Variants in SYNDIG1 observed in about 807,000 individuals in gnomAD.
SYNDIG1 encodes the protein synapse differentiation inducing 1.
A neutral mutation model predicts 19.4 loss-of-function variants in SYNDIG1; 9 were observed. That is an observed-to-expected ratio of 0.46 (90% confidence interval 0.28 to 0.81). SYNDIG1 has a LOEUF of 0.81. Among genes scored for constraint, SYNDIG1 ranks in the 30% least tolerant of loss-of-function variants. The probability of loss-of-function intolerance (pLI) is 0.12; values close to 1 mark genes in which losing one functional copy is unlikely to be tolerated. For synonymous variants in SYNDIG1, 141 were observed against 145.9 expected (o/e 0.97, Z 0.24); for missense variants, 311 against 343.3 (o/e 0.91, Z 0.74).
rs542558378 is a variant in SYNDIG1, at chr20:24,607,276, G to A, written c.618+22283G>A. ...TAGTGGAGGCTGAAGCAGGAGCATT[G>A]CTTGAACCCAGGAGGCGGATGTTGC... On this transcript the variant is annotated intron_variant, in intron 3 of 3. Coordinates refer to ENST00000376862, the MANE Select transcript of SYNDIG1 (RefSeq NM_024893.3). 5.3e-5 allele frequency among the ~76,000 whole-genome samples: 8 copies of A among 150,166 alleles called. No individual in the cohort carries two copies. The East Asian group carries it at 1.6e-3, about 29-fold the overall frequency.
chr20:24,621,508 G>T (rs1253291530), intron 3 of SYNDIG1, among the ~76,000 whole-genome samples: 1 of 152,126 alleles, frequency 6.6e-6, no homozygotes, highest in East Asian at 1.9e-4. Context: ...TTTGCCATTT[G>T]GTCCCAAACC....
chr20:24,535,312 A>G (rs1038162045), intron 1 of SYNDIG1, among the ~76,000 whole-genome samples: 1 of 152,202 alleles, frequency 6.6e-6, no homozygotes, highest in Non-Finnish European at 1.5e-5. Flanking sequence ...GAAGATCCAA[A>G]CCTCATCACT....
chr20:24,586,179 A>G (rs1419356560), intron 3 of SYNDIG1, among the ~76,000 whole-genome samples: 3 of 152,160 alleles, frequency 2.0e-5, no homozygotes, highest in Admixed American at 6.5e-5. Flanking sequence ...GCTTCCTGAC[A>G]GGGCACAAGA....
intron 3 of SYNDIG1, among the ~76,000 whole-genome samples, chr20:24,590,326 GTAAC>G (rs1468697356): frequency 6.6e-6 from 1 of 151,896 alleles, no homozygotes; most frequent in Admixed American, 6.6e-5. Context: ...GGGGGTAGGG[GTAAC>G]TAACAAGGCG....
At chr20:24,635,874 C>T (rs1160404426) in intron 3 of SYNDIG1, among the ~76,000 whole-genome samples, 1 of 152,202 alleles carries the variant, frequency 6.6e-6, no homozygotes, top group African/African-American at 2.4e-5. Context: ...CCATCTACCA[C>T]TGTGGGGACC....
intron 3 of SYNDIG1, among the ~76,000 whole-genome samples, chr20:24,618,275 G>C (rs1331767402): frequency 6.7e-6 from 1 of 149,530 alleles, no homozygotes; most frequent in Admixed American, 6.6e-5. Context: ...GTCCCGGAAG[G>C]GGGGTCCTGA....
chr20:24,516,049 T>A (rs2056855216), intron 1 of SYNDIG1, among the ~76,000 whole-genome samples: 1 of 152,096 alleles, frequency 6.6e-6, no homozygotes, highest in African/African-American at 2.4e-5. Flanking sequence ...TCTACAACCA[T>A]CTGATCTTTG....
intron 1 of SYNDIG1, among the ~76,000 whole-genome samples, chr20:24,526,347 C>T (rs1188856322): frequency 6.6e-6 from 1 of 151,880 alleles, no homozygotes; most frequent in East Asian, 1.9e-4. Flanking sequence ...TTCATTCTTA[C>T]TCATGTACTT....
chr20:24,637,477 C>A (rs116896416), intron 3 of SYNDIG1, among the ~76,000 whole-genome samples: 1 of 152,194 alleles, frequency 6.6e-6, no homozygotes, highest in African/African-American at 2.4e-5. Context: ...TCAGAGGTCC[C>A]ACCTAGCCAC....
At chr20:24,490,858 C>A (rs1336980519) in intron 1 of SYNDIG1, among the ~76,000 whole-genome samples, 1 of 152,172 alleles carries the variant, frequency 6.6e-6, no homozygotes, top group Non-Finnish European at 1.5e-5. Context: ...CAAGCCAAGC[C>A]CCACAGTCTG....
At chr20:24,534,523 C>T (rs1044339551) in intron 1 of SYNDIG1, among the ~76,000 whole-genome samples, 1 of 152,222 alleles carries the variant, frequency 6.6e-6, no homozygotes, top group African/African-American at 2.4e-5. Context: ...GGAACAGTGC[C>T]CCTCGGTCTG....
chr20:24,555,527 A>G (rs2057796266), intron 2 of SYNDIG1, among the ~76,000 whole-genome samples: 1 of 152,174 alleles, frequency 6.6e-6, no homozygotes, highest in Admixed American at 6.5e-5. Flanking sequence ...TTGGTTTCAA[A>G]GAACATCTTT....
At position 24,633,543 on chromosome 20, in the gene SYNDIG1, T is replaced by C. The variant is rs557899775; in HGVS notation, c.619-31803T>C. Among the ~76,000 whole-genome samples the C allele has an allele frequency of 3.2e-4, 49 of 152,328 alleles. No homozygotes were observed. The South Asian group carries it at 0.01, about 32-fold the overall frequency. ...GAAACCCTCTAAGTTGGTCCCCTTT[T>C]GATTCTAGTTGATCACCCTGGAAGA... On this transcript the variant is annotated intron_variant, in intron 3 of 3. Coordinates refer to ENST00000376862, the MANE Select transcript of SYNDIG1 (RefSeq NM_024893.3).
chr20:24,563,062 C>T (rs1351589092), intron 2 of SYNDIG1, among the ~76,000 whole-genome samples: 2 of 152,184 alleles, frequency 1.3e-5, no homozygotes, highest in Non-Finnish European at 2.9e-5. Flanking sequence ...TTGTCCCAAA[C>T]TTGACTGAAG....
Position 24,658,417 on chromosome 20 carries a change from T to C in SYNDIG1, c.619-6929T>C, listed in dbSNP as rs907416768. On this transcript the variant is annotated intron_variant, in intron 3 of 3. Transcript: ENST00000376862. The surrounding 1 kb of genome is among the most constrained non-coding windows in gnomAD (Gnocchi z 4.4). ...GCCGGTGCTCCTCCCCGTGACAGAT[T>C]CCACACAGGAGCTGCAGGCCGTGGA... 6.6e-6 allele frequency among the ~76,000 whole-genome samples: 1 copy of C among 151,934 alleles called. No homozygotes were observed. Among genetic ancestry groups the C allele is most frequent in the Non-Finnish European group, 1.5e-5 (1 of 67,954 alleles).
intron 3 of SYNDIG1, among the ~76,000 whole-genome samples, chr20:24,621,138 C>G (rs2059031941): frequency 6.6e-6 from 1 of 152,170 alleles, no homozygotes; most frequent in Admixed American, 6.5e-5. Context: ...TTAGCATATT[C>G]CATCAAATAT....
intron 1 of SYNDIG1, among the ~76,000 whole-genome samples, chr20:24,496,769 C>T (rs2056314747): frequency 6.6e-6 from 1 of 152,164 alleles, no homozygotes. Context: ...AGCACTATAT[C>T]CCCTGACACA....
At chr20:24,531,315 C>A (rs1024644565) in intron 1 of SYNDIG1, among the ~76,000 whole-genome samples, 1 of 152,052 alleles carries the variant, frequency 6.6e-6, no homozygotes, top group African/African-American at 2.4e-5. Context: ...TATACAGTAA[C>A]AAATCATAAA....
intron 1 of SYNDIG1, among the ~76,000 whole-genome samples, chr20:24,506,799 C>A (rs1416559833): frequency 6.6e-6 from 1 of 152,140 alleles, no homozygotes; most frequent in Non-Finnish European, 1.5e-5. Context: ...CACATCGGTT[C>A]CCAAAGCCAG....
Sources: allele counts gnomAD v4.1 joint callset (sites outside exome capture counted in the v4.1 genomes callset), GRCh38; gene constraint gnomAD v4.1.1; non-coding constraint Gnocchi (gnomAD v3.1); transcripts MANE v1.5; gene names NCBI Gene and HGNC (gene_info 2026-07-23, HGNC 2026-07-21).